TAFA5: variants seen among roughly 807,000 people sequenced by gnomAD.
The protein encoded by TAFA5 is chemokine-like protein TAFA-5.
In TAFA5, 6 loss-of-function variants were observed where a neutral mutation model predicts 15.3. That is an observed-to-expected ratio of 0.39 (90% CI 0.21 to 0.77). The LOEUF (loss-of-function observed/expected upper bound fraction) is 0.77. Among genes scored for constraint, TAFA5 ranks in the 30% least tolerant of loss-of-function variants. The pLI is 0.41. For synonymous variants in TAFA5, 103 were observed against 80.7 expected, an observed-to-expected ratio of 1.28 and a Z score of -1.48; for missense variants, 161 against 193.1, an observed-to-expected ratio of 0.83 and a Z score of 0.98.
At chr22:48,693,360 T>G (rs1303444514) in intron 2 of TAFA5, 1 of 1,612,450 alleles carries the variant, frequency 6.2e-7, no homozygotes, top group Non-Finnish European at 8.5e-7. Flanking sequence ...ACCCGAAATG[T>G]ACCACCACCG....
At chr22:48,660,563 G>A (rs1210710489) in intron 2 of TAFA5, among the ~76,000 whole-genome samples, 3 of 152,222 alleles carry the variant, frequency 2.0e-5, no homozygotes, top group Admixed American at 6.5e-5. Flanking sequence ...CCCCTTAGCC[G>A]CAAAATGCTG....
intron 3 of TAFA5, among the ~76,000 whole-genome samples, chr22:48,708,611 C>T (rs1929156892): frequency 6.6e-6 from 1 of 152,238 alleles, no homozygotes; most frequent in Admixed American, 6.5e-5. Context: ...GGCCTCAACT[C>T]CTCACTAGCG....
intron 1 of TAFA5, among the ~76,000 whole-genome samples, chr22:48,573,880 G>A (rs535796145): frequency 6.2e-4 from 95 of 152,322 alleles, no homozygotes; most frequent in Admixed American, 1.4e-3. Flanking sequence ...TGAGTGTCAA[G>A]GGCAGGCTCT....
chr22:48,514,603 T>G lies in TAFA5; in HGVS notation c.112+24899T>G, dbSNP rs554426778. ...CTGCAGACCCTGCCCAGGGAGCTTA[T>G]AAGCCGGGCAGCATGGAGAGCCTGG... On this transcript the variant is annotated intron_variant, in intron 1 of 3. Coordinates refer to ENST00000402357, the MANE Select transcript of TAFA5 (RefSeq NM_001082967.3). Among the ~76,000 whole-genome samples, 167 of 152,108 alleles carry G rather than the reference T, an allele frequency of 1.1e-3. 3 individuals carry two copies. The highest frequency in any genetic ancestry group is 0.01 in the Middle Eastern group (3 of 294).
chr22:48,711,835 G>A (rs554496657), intron 3 of TAFA5, among the ~76,000 whole-genome samples: 5 of 152,248 alleles, frequency 3.3e-5, no homozygotes, highest in African/African-American at 4.8e-5. Flanking sequence ...CCATCGCGCC[G>A]ATCCCCCGTC....
intron 2 of TAFA5, among the ~76,000 whole-genome samples, chr22:48,658,759 C>T (rs1483468029): frequency 1.3e-5 from 2 of 152,334 alleles, no homozygotes; most frequent in East Asian, 3.9e-4. Context: ...CCCCTGCTGG[C>T]CCAGACCTAG....
chr22:48,721,085 C>A (rs550891978), intron 3 of TAFA5, among the ~76,000 whole-genome samples: 1 of 152,190 alleles, frequency 6.6e-6, no homozygotes, highest in East Asian at 1.9e-4. Flanking sequence ...GTTGCCCAAG[C>A]AGGAAGGTGG....
chr22:48,676,236 C>G (rs1601662953), intron 2 of TAFA5, among the ~76,000 whole-genome samples: 1 of 152,234 alleles, frequency 6.6e-6, no homozygotes, highest in African/African-American at 2.4e-5. Flanking sequence ...ATGGTCTTGG[C>G]CTGTCCCTCC....
At chr22:48,534,515 T>C (rs962279175) in intron 1 of TAFA5, among the ~76,000 whole-genome samples, 2 of 151,782 alleles carry the variant, frequency 1.3e-5, no homozygotes, top group Admixed American at 6.6e-5. Flanking sequence ...CCTGGGTGGG[T>C]GGACAGGGCA....
At chr22:48,707,627 C>T (rs1929121332) in intron 2 of TAFA5, 90 bp from the exon 3 acceptor site, 1 of 1,490,040 alleles carries the variant, frequency 6.7e-7, no homozygotes, top group Admixed American at 2.0e-5. Context: ...GAGGGCCCCC[C>T]CAGCCAGTGC....
At chr22:48,732,244 G>GT in intron 3 of TAFA5, among the ~76,000 whole-genome samples, 2 of 90,450 alleles carry the variant, frequency 2.2e-5, no homozygotes, top group East Asian at 4.1e-4. Context: ...ATGAAAGTGG[G>GT]TTTTTTTGTT....
intron 2 of TAFA5, among the ~76,000 whole-genome samples, chr22:48,695,815 T>C (rs1223908197): frequency 2.6e-5 from 4 of 152,164 alleles, no homozygotes. Context: ...GCGGGCCCTC[T>C]GGCGTCACCA....
intron 1 of TAFA5, among the ~76,000 whole-genome samples, chr22:48,507,902 C>G (rs931179430): frequency 1.3e-5 from 2 of 152,132 alleles, no homozygotes; most frequent in Non-Finnish European, 2.9e-5. Context: ...CAGCACGAGG[C>G]CCATCTGCAG....
intron 1 of TAFA5, among the ~76,000 whole-genome samples, chr22:48,588,331 G>A (rs1442987600): frequency 6.6e-6 from 1 of 152,238 alleles, no homozygotes; most frequent in Non-Finnish European, 1.5e-5. Flanking sequence ...GGAAATGCAA[G>A]GGCAGAAAGT....
At chr22:48,596,243 C>G (rs970890773) in intron 1 of TAFA5, among the ~76,000 whole-genome samples, 10 of 152,216 alleles carry the variant, frequency 6.6e-5, no homozygotes, top group African/African-American at 2.4e-4. Context: ...TGAAGAGACG[C>G]GGCCTTCTGG....
Position 48,552,517 on chromosome 22 carries a change from C to T in TAFA5, c.112+62813C>T, listed in dbSNP as rs1467849042. On this transcript the variant is annotated intron_variant, in intron 1 of 3. Coordinates refer to ENST00000402357, the MANE Select transcript of TAFA5 (RefSeq NM_001082967.3). The surrounding 1 kb of genome is among the most constrained non-coding windows in gnomAD (Gnocchi z 4.1). ...GCCACGAGGTGGGCAGCCTGCTCTCCTTGGGTCAGGACATGGAGACTTCAC... is the reference window on the plus strand; with the variant it reads ...GCCACGAGGTGGGCAGCCTGCTCTCTTTGGGTCAGGACATGGAGACTTCAC... Among the ~76,000 whole-genome samples the T allele has an allele frequency of 4.6e-5, 7 of 152,136 alleles. No homozygotes were observed. The highest frequency in any genetic ancestry group is 7.4e-5 in the Non-Finnish European group (5 of 68,018).
intron 2 of TAFA5, among the ~76,000 whole-genome samples, chr22:48,704,618 C>G (rs1929021406): frequency 6.6e-6 from 1 of 151,748 alleles, no homozygotes; most frequent in African/African-American, 2.4e-5. Flanking sequence ...CCCTGGGAAG[C>G]CGGGGGGTTC....
intron 1 of TAFA5, among the ~76,000 whole-genome samples, chr22:48,529,296 TC>T (rs763758090): frequency 4.4e-4 from 23 of 52,208 alleles, no homozygotes; most frequent in South Asian, 9.1e-4. Flanking sequence ...GATGGGGGTG[TC>T]CAGGCAGGAG....
At chr22:48,543,173 G>T (rs1044679445) in intron 1 of TAFA5, 2 of 152,050 alleles carry the variant, frequency 1.3e-5, no homozygotes, top group Admixed American at 6.5e-5. Context: ...GCCGGGGGTC[G>T]TTTGTCTCCT....
Sources: allele counts gnomAD v4.1 joint callset (sites outside exome capture counted in the v4.1 genomes callset), GRCh38; gene constraint gnomAD v4.1.1; non-coding constraint Gnocchi (gnomAD v3.1); transcripts MANE v1.5; gene names NCBI Gene and HGNC (gene_info 2026-07-23, HGNC 2026-07-21).